ANKRD54: variants seen among roughly 807,000 people sequenced by gnomAD.
The protein encoded by ANKRD54 is ankyrin repeat domain 54.
Under a neutral mutation model 36.2 loss-of-function variants are expected in ANKRD54, and 26 were observed. The observed-to-expected ratio is 0.72, with a 90% CI of 0.53 to 1.00. The LOEUF is 1.00. ANKRD54 is among the 50% of genes least tolerant of loss of function. The pLI is 0.00. For missense variants in ANKRD54, 384 were observed against 424.3 expected (o/e 0.91, Z 0.83); for synonymous variants, 209 against 188.4 (o/e 1.11, Z -0.89).
At chr22:37,832,540 CTCTT>C (rs1281947161) in intron 7 of ANKRD54, 93 bp downstream of exon 7, 25 of 1,178,568 alleles carry the variant, frequency 2.1e-5, no homozygotes, top group Non-Finnish European at 2.9e-5. Flanking sequence ...AGCCCACAGC[CTCTT>C]TCTGATACGA....
Position 37,833,042 on chromosome 22 carries a change from G to C in ANKRD54, c.636C>G (p.Pro212=), listed in dbSNP as rs772902586. Residue 212 remains proline, a synonymous_variant, in exon 6 of 8, where the codon CCC becomes CCG. Coordinates refer to ENST00000215941, the MANE Select transcript of ANKRD54 (RefSeq NM_138797.4). ...TCAGCTTTGACTTGGCCAGGTGCAG[G>C]GGTGTGCGACCAGCTCGGTCCAGGG... is the stretch of plus-strand genomic sequence containing the variant. ...VDALDRAGRT[P]LHLAKSKLNI... 6.2e-7 allele frequency: 1 copy of C among 1,614,050 alleles called. No individual in the cohort carries two copies. Among genetic ancestry groups the C allele is most frequent in the South Asian group, 1.1e-5 (1 of 91,072 alleles).
At chr22:37,847,013 C>G (rs2145998620), upstream of ANKRD54, among the ~76,000 whole-genome samples, 1 of 151,246 alleles carries the variant, frequency 6.6e-6, no homozygotes, top group African/African-American at 2.4e-5. Context: ...GCCACTACGC[C>G]CGGCTAATTT....
chr22:37,845,951 G>C (rs1198099764), upstream of ANKRD54, among the ~76,000 whole-genome samples: 1 of 152,160 alleles, frequency 6.6e-6, no homozygotes, highest in South Asian at 2.1e-4. Context: ...GAGGCAGGCA[G>C]ATCACGAGGT....
intron 1 of ANKRD54, 34 bp from the exon 2 acceptor site, chr22:37,840,268 A>C: frequency 1.2e-6 from 2 of 1,612,758 alleles, no homozygotes; most frequent in Non-Finnish European, 1.7e-6. Flanking sequence ...AGTTTAAAAA[A>C]ACAGCCATGG....
chr22:37,838,691 G>T, intron 2 of ANKRD54, 93 bp from the exon 3 acceptor site: 1 of 1,292,936 alleles, frequency 7.7e-7, no homozygotes, highest in Non-Finnish European at 1.1e-6. Flanking sequence ...GCTCAGGGGT[G>T]CCTCTAGACA....
chr22:37,848,391 A>AT (rs768338089), upstream of ANKRD54: 119 of 144,678 alleles, frequency 8.2e-4, no homozygotes, highest in Admixed American at 1.3e-3. Context: ...CCAAATCTCA[A>AT]TTTTTTTTTT....
chr22:37,849,290 C>A, upstream of ANKRD54: 6 of 877,006 alleles, frequency 6.8e-6, no homozygotes, highest in Non-Finnish European at 9.5e-6. Context: ...CGGAACGCGG[C>A]TCCTCTTCCT....
intron 4 of ANKRD54, 22 bp from the exon 5 acceptor site, chr22:37,833,228 T>G: frequency 6.2e-7 from 1 of 1,612,634 alleles, no homozygotes; most frequent in Non-Finnish European, 8.5e-7. Context: ...CAACAGAGAC[T>G]TAAGAATCCA....
At chr22:37,837,199 G>T (rs1235057848) in intron 3 of ANKRD54, among the ~76,000 whole-genome samples, 1 of 152,046 alleles carries the variant, frequency 6.6e-6, no homozygotes, top group Non-Finnish European at 1.5e-5. Flanking sequence ...CACTGCTGGT[G>T]GGGAGTGGGA....
Position 37,833,049 on chromosome 22 carries a change from C to T in ANKRD54, c.629G>A (p.Arg210His), listed in dbSNP as rs1343169499. Residue 210 changes from arginine (R) to histidine (H), a missense_variant, in exon 6 of 8, where the codon CGC (arginine) becomes CAC (histidine). This residue lies in a region of ANKRD54 where 179 missense variants were observed against 224.0 expected (regional missense o/e 0.80). Transcript: ENST00000215941. Reference sequence around the variant, plus strand: ...TGACTTGGCCAGGTGCAGGGGTGTGCGACCAGCTCGGTCCAGGGCATCTAC... The same window carrying T: ...TGACTTGGCCAGGTGCAGGGGTGTGTGACCAGCTCGGTCCAGGGCATCTAC... The part of the protein sequence containing the change: ...ARVDALDRAG[R>H]TPLHLAKSKL... The T allele has an allele frequency of 1.9e-6, 3 of 1,613,494 alleles. No individual in the cohort carries two copies. Among genetic ancestry groups the T allele is most frequent in the Non-Finnish European group, 2.5e-6 (3 of 1,179,834 alleles).
chr22:37,835,811 A>G (rs1923445733), intron 3 of ANKRD54, among the ~76,000 whole-genome samples: 1 of 152,164 alleles, frequency 6.6e-6, no homozygotes, highest in East Asian at 1.9e-4. Context: ...GTCTCAAAAA[A>G]AGAAAAAGAC....
chr22:37,843,813 G>A, intron 1 of ANKRD54, 98 bp downstream of exon 1: 3 of 918,774 alleles, frequency 3.3e-6, no homozygotes, highest in Non-Finnish European at 4.2e-6. Context: ...CCCGGCTGAG[G>A]GTCGGGGGCG....
rs763333204 is a variant in ANKRD54 at position 37,844,321 on chromosome 22, G to A, written c.-83C>T. On this transcript the variant is annotated 5_prime_UTR_variant, in exon 1 of 8. Coordinates refer to ENST00000215941, the MANE Select transcript of ANKRD54 (RefSeq NM_138797.4). Reference sequence around the variant, plus strand: ...CCTACTTCCCTCCGCCCTGAGTCGTGCTGTCAGCGAGCTGGCGGGCGGGCA... The same window carrying A: ...CCTACTTCCCTCCGCCCTGAGTCGTACTGTCAGCGAGCTGGCGGGCGGGCA... 1.9e-5 allele frequency: 28 copies of A among 1,443,626 alleles called. No homozygotes were observed. The highest frequency in any genetic ancestry group is 2.5e-5 in the Non-Finnish European group (27 of 1,086,810). The allele number at this position is 1,443,626 out of a possible 1,614,324, so 89.4% of individuals were successfully genotyped here. A position where few individuals can be genotyped will look rare whatever the true frequency, so the allele number is the denominator to read the frequency against.
Position 37,844,032 on chromosome 22 carries a change from G to T in ANKRD54, c.207C>A (p.His69Gln). 4 of 1,439,168 alleles carry T rather than the reference G, an allele frequency of 2.8e-6. No homozygotes were observed. The highest frequency in any genetic ancestry group is 3.6e-6 in the Non-Finnish European group (4 of 1,102,206). The allele number at this position is 1,439,168 out of a possible 1,614,324, so 89.1% of individuals were successfully genotyped here. ...GCTCCGCATCCTGCTGCCACAGGACGTGCAAGTAGCGCAGCGGCGACTGGG... is the reference window on the plus strand; with the variant it reads ...GCTCCGCATCCTGCTGCCACAGGACTTGCAAGTAGCGCAGCGGCGACTGGG... The part of the protein sequence containing the change: ...GGAQSPLRYL[H>Q]VLWQQDAEPR... Residue 69 changes from histidine to glutamine, a missense_variant, in exon 1 of 8, where the codon CAC becomes CAA. Coordinates refer to ENST00000215941, the MANE Select transcript of ANKRD54 (RefSeq NM_138797.4).
intron 3 of ANKRD54, chr22:37,834,858 C>G (rs575791883): frequency 6.6e-6 from 1 of 151,640 alleles, no homozygotes; most frequent in Non-Finnish European, 1.5e-5. Context: ...GTCAGGAGTT[C>G]AAGACCAGGC....
intron 2 of ANKRD54, among the ~76,000 whole-genome samples, chr22:37,839,398 A>ATTTATTTGAGACAGAATTTCGCT (rs1207751494): frequency 6.6e-6 from 1 of 151,824 alleles, no homozygotes; most frequent in Non-Finnish European, 1.5e-5. Context: ...TATGTTATTT[A>ATTTATTTGAGACAGAATTTCGCT]TTTATTTGAG....
rs1378364825 is a variant in ANKRD54, at chr22:37,838,605, C to A, written c.377-7G>T. 6.2e-7 allele frequency: 1 copy of A among 1,606,850 alleles called. No individual in the cohort carries two copies. The highest frequency in any genetic ancestry group is 1.7e-5 in the Admixed American group (1 of 59,476). ...TCTTCCAGCAGCTGCTGCACTGACA[C>A]CACCAAGACAGAGGGAGGAAGGGGG... is the stretch of plus-strand genomic sequence containing the variant. On this transcript the variant is annotated splice_polypyrimidine_tract_variant and splice_region_variant and intron_variant, in intron 2 of 7. Coordinates refer to ENST00000215941, the MANE Select transcript of ANKRD54 (RefSeq NM_138797.4).
Position 37,833,003 on chromosome 22 carries a change from C to T in ANKRD54, c.675G>A (p.Glu225=). 6.2e-7 allele frequency: 1 copy of T among 1,614,172 alleles called. No individual in the cohort carries two copies. Among genetic ancestry groups the T allele is most frequent in the Non-Finnish European group, 8.5e-7 (1 of 1,180,038 alleles). ...LAKSKLNILQ[E]GHAQCLEAVR... ...CAGCCTCTAGGCACTGGGCATGGCC[C>T]TCCTGCAGGATATTCAGCTTTGACT... The change falls in exon 6 of 8, where the codon GAG becomes GAA. Residue 225 remains glutamate, a synonymous_variant. Transcript: ENST00000215941.
chr22:37,832,861 G>A, intron 6 of ANKRD54, 97 bp downstream of exon 6: 1 of 1,605,324 alleles, frequency 6.2e-7, no homozygotes, highest in Non-Finnish European at 8.5e-7. Flanking sequence ...AAACAACCCA[G>A]GAGCCCTGGG....
Sources: allele counts gnomAD v4.1 joint callset (sites outside exome capture counted in the v4.1 genomes callset), GRCh38; gene constraint gnomAD v4.1.1; regional missense constraint gnomAD v4.1.1; transcripts MANE v1.5; gene names NCBI Gene and HGNC (gene_info 2026-07-23, HGNC 2026-07-21).